Variants in TENM3 observed in about 807,000 individuals in gnomAD.
The protein encoded by TENM3 is teneurin transmembrane protein 3.
A neutral mutation model predicts 255.1 loss-of-function variants in TENM3; 63 were observed. That is an observed-to-expected ratio of 0.25 (90% CI 0.20 to 0.30). The LOEUF (loss-of-function observed/expected upper bound fraction) is 0.30, where lower values mean the gene tolerates loss of function less well. Ranked by LOEUF, TENM3 falls within the 10% of genes least tolerant of loss-of-function variation. The pLI is 1.00. For synonymous variants in TENM3, 1,306 were observed against 1,322.3 expected (o/e 0.99, Z 0.27); for missense variants, 2,929 against 3,461.1 (o/e 0.85, Z 3.86).
At chr4:181,565,886 A>G in the TENM3 span, among the ~76,000 whole-genome samples, 4 of 152,234 alleles carry the variant, frequency 2.6e-5, no homozygotes, top group Non-Finnish European at 5.9e-5. Flanking sequence ...TAAAGTTTAG[A>G]CAGGTCCAGA....
chr4:182,495,412 C>A (rs1202196112), intron 3 of TENM3, among the ~76,000 whole-genome samples: 2 of 152,036 alleles, frequency 1.3e-5, no homozygotes, highest in Non-Finnish European at 2.9e-5. Flanking sequence ...TCATAGCTCT[C>A]ATCTTTTCTT....
At chr4:182,069,640 A>G in the TENM3 span, among the ~76,000 whole-genome samples, 3 of 151,928 alleles carry the variant, frequency 2.0e-5, no homozygotes, top group African/African-American at 4.8e-5. Flanking sequence ...TCTTCTTATT[A>G]CCAAACCTGG....
intron 3 of TENM3, among the ~76,000 whole-genome samples, chr4:182,401,166 G>A (rs1349482858): frequency 1.3e-5 from 2 of 151,976 alleles, no homozygotes; most frequent in Admixed American, 6.6e-5. Context: ...AGGTTATTCC[G>A]GAGTTCCTCT....
intron 1 of TENM3, among the ~76,000 whole-genome samples, chr4:182,257,333 A>G (rs1309673723): frequency 1.3e-5 from 2 of 152,168 alleles, no homozygotes; most frequent in East Asian, 3.9e-4. Context: ...ATATACACAT[A>G]GGTATTTTTT....
chr4:182,095,443 CA>C, the TENM3 span, among the ~76,000 whole-genome samples: 1 of 152,134 alleles, frequency 6.6e-6, no homozygotes, highest in Non-Finnish European at 1.5e-5. Flanking sequence ...AAACCAGGCA[CA>C]GAAAGATAAA....
chr4:182,283,959 G>C (rs1172797449), intron 1 of TENM3, among the ~76,000 whole-genome samples: 1 of 152,168 alleles, frequency 6.6e-6, no homozygotes, highest in African/African-American at 2.4e-5. Flanking sequence ...TTGTGGAGCT[G>C]TGGTCTGGGA....
the TENM3 span, among the ~76,000 whole-genome samples, chr4:181,744,016 G>A: frequency 2.6e-5 from 4 of 151,906 alleles, no homozygotes; most frequent in African/African-American, 9.7e-5. Context: ...GTTGTTCCCT[G>A]CCATGTGTCC....
the TENM3 span, among the ~76,000 whole-genome samples, chr4:182,013,993 T>TAC: frequency 5.1e-5 from 5 of 97,104 alleles, no homozygotes; most frequent in African/African-American, 2.3e-4. Flanking sequence ...TATACGTATA[T>TAC]ACACATATAT....
At chr4:182,503,976 A>G (rs1215821305) in intron 3 of TENM3, among the ~76,000 whole-genome samples, 1 of 151,856 alleles carries the variant, frequency 6.6e-6, no homozygotes, top group Non-Finnish European at 1.5e-5. Flanking sequence ...TGTTCCTAAC[A>G]CTTCATACTA....
chr4:181,675,135 T>C, the TENM3 span, among the ~76,000 whole-genome samples: 2 of 152,142 alleles, frequency 1.3e-5, no homozygotes, highest in Non-Finnish European at 2.9e-5. Flanking sequence ...TATATTAGAA[T>C]TGAAGTTATT....
chr4:182,176,476 AT>A (rs1752494197), intron 1 of TENM3, among the ~76,000 whole-genome samples: 1 of 152,158 alleles, frequency 6.6e-6, no homozygotes, highest in Admixed American at 6.6e-5. Flanking sequence ...AGATGTGTTC[AT>A]TATTATTACT....
rs1295415995 is a variant in TENM3, at chr4:182,800,398, C to G, written c.*47C>G. Reference sequence around the variant, plus strand: ...GCCGCTCACGCCCTGCCCACATTGTCCTGTGGCACAACCCGAGTGGGACTC... The same window carrying G: ...GCCGCTCACGCCCTGCCCACATTGTGCTGTGGCACAACCCGAGTGGGACTC... On this transcript the variant is annotated 3_prime_UTR_variant, in exon 28 of 28. Transcript: ENST00000511685. 1.3e-6 allele frequency: 2 copies of G among 1,510,400 alleles called. No homozygotes were observed. The highest frequency in any genetic ancestry group is 2.1e-5 in the Admixed American group (1 of 47,572). The allele number at this position is 1,510,400 out of a possible 1,614,324, so 93.6% of individuals were successfully genotyped here.
chr4:182,110,969 A>G, the TENM3 span, among the ~76,000 whole-genome samples: 1 of 152,172 alleles, frequency 6.6e-6, no homozygotes, highest in Non-Finnish European at 1.5e-5. Context: ...AGTTTAACCA[A>G]CTAGGAAGTG....
At chr4:182,477,050 C>G (rs1178288348) in intron 3 of TENM3, among the ~76,000 whole-genome samples, 1 of 152,164 alleles carries the variant, frequency 6.6e-6, no homozygotes, top group Non-Finnish European at 1.5e-5. Context: ...ATTTTTACTT[C>G]AAATATTTAT....
the TENM3 span, among the ~76,000 whole-genome samples, chr4:181,777,341 CG>C: frequency 6.6e-6 from 1 of 152,026 alleles, no homozygotes; most frequent in African/African-American, 2.4e-5. Context: ...AGTCAGATAG[CG>C]TGATGCCTCC....
chr4:182,348,109 TTATCC>T (rs1386326181), intron 3 of TENM3, among the ~76,000 whole-genome samples: 2 of 152,182 alleles, frequency 1.3e-5, no homozygotes. Context: ...AATCAATTTC[TTATCC>T]TAAGTAGAAT....
the TENM3 span, among the ~76,000 whole-genome samples, chr4:181,530,291 G>C: frequency 6.6e-6 from 1 of 152,292 alleles, no homozygotes; most frequent in African/African-American, 2.4e-5. Context: ...GGCACCAATA[G>C]ATTAATTTTT....
At chr4:182,029,616 T>C in the TENM3 span, among the ~76,000 whole-genome samples, 1 of 152,176 alleles carries the variant, frequency 6.6e-6, no homozygotes. Context: ...CTTTTTGTCT[T>C]GAAATCTATT....
chr4:182,633,410 C>T (rs1207296126), intron 5 of TENM3, among the ~76,000 whole-genome samples: 1 of 152,108 alleles, frequency 6.6e-6, no homozygotes, highest in African/African-American at 2.4e-5. Flanking sequence ...CTCTTAACAC[C>T]ATACATGCTT....
Sources: allele counts gnomAD v4.1 joint callset (sites outside exome capture counted in the v4.1 genomes callset), GRCh38; gene constraint gnomAD v4.1.1; transcripts MANE v1.5; gene names NCBI Gene and HGNC (gene_info 2026-07-23, HGNC 2026-07-21).